Variants in ATL1 observed in about 807,000 individuals in gnomAD.
ATL1 encodes atlastin GTPase 1.
A neutral mutation model predicts 75.5 loss-of-function variants in ATL1; 31 were observed. The ratio of observed to expected loss-of-function variants is 0.41; its 90% confidence interval spans 0.31 to 0.55. The LOEUF is 0.55. Ranked by LOEUF, ATL1 falls within the 20% of genes least tolerant of loss-of-function variation. The pLI is 0.27. For missense variants in ATL1, 405 were observed against 662.6 expected (o/e 0.61, Z 4.27); for synonymous variants, 226 against 233.3 (o/e 0.97, Z 0.28).
In ATL1 at chr14:50,621,884, CA is replaced by C. The variant is rs2039470381; in HGVS notation, c.1035del (p.Lys345AsnfsTer13). On this transcript the variant is annotated frameshift_variant, in exon 10 of 14. Transcript: ENST00000358385. LOFTEE classifies it high-confidence loss of function. Reference sequence around the variant, plus strand: ...ATCAAGGTGAAGAATTACCACATCCCAAATCCATGTTACAGGTATTTATTAA... The same window carrying C: ...ATCAAGGTGAAGAATTACCACATCCCAATCCATGTTACAGGTATTTATTAA... ...IYQGEELPHP[K>X]SMLQATAEAN... is the part of the protein sequence containing the mutation. The C allele has an allele frequency of 6.3e-7, 1 of 1,599,634 alleles. No homozygotes were observed.
intron 6 of ATL1, among the ~76,000 whole-genome samples, chr14:50,599,251 C>T (rs2039249372): frequency 6.6e-6 from 1 of 152,072 alleles, no homozygotes; most frequent in Non-Finnish European, 1.5e-5. Context: ...AATCAGAAAA[C>T]AGGCAAAGAA....
chr14:50,560,077 T>C (rs1273795340), upstream of ATL1: 3 of 655,596 alleles, frequency 4.6e-6, no homozygotes, highest in Non-Finnish European at 8.1e-6. Flanking sequence ...GATGCTGAGC[T>C]TGGTTCATCT....
chr14:50,612,981 C>G (rs1048676661), intron 6 of ATL1, among the ~76,000 whole-genome samples: 15 of 152,136 alleles, frequency 9.9e-5, no homozygotes, highest in Non-Finnish European at 2.1e-4. Context: ...TAGCTCCATT[C>G]AGGCAGTTTG....
At chr14:50,560,581 C>T in intron 1 of ATL1, 1 of 487,184 alleles carries the variant, frequency 2.1e-6, no homozygotes, top group South Asian at 2.1e-5. Flanking sequence ...AGCATTTGGA[C>T]AGCACCCACC....
At chr14:50,631,001 G>C in intron 13 of ATL1, 1 of 453,764 alleles carries the variant, frequency 2.2e-6, no homozygotes, top group South Asian at 1.6e-5. Flanking sequence ...GCTCACGCCT[G>C]TAATCCCAGC....
chr14:50,568,984 A>G (rs538093483), intron 1 of ATL1, among the ~76,000 whole-genome samples: 1 of 152,196 alleles, frequency 6.6e-6, no homozygotes, highest in African/African-American at 2.4e-5. Flanking sequence ...CACCCCTTTC[A>G]GTTATTGGTA....
chr14:50,559,604 C>T (rs1231838213), upstream of ATL1: 1 of 152,116 alleles, frequency 6.6e-6, no homozygotes, highest in Non-Finnish European at 1.5e-5. Context: ...AGTTACAGAT[C>T]GTAATGAATC....
chr14:50,599,249 A>G (rs1231060236), intron 6 of ATL1, among the ~76,000 whole-genome samples: 1 of 152,238 alleles, frequency 6.6e-6, no homozygotes, highest in African/African-American at 2.4e-5. Context: ...CCAATCAGAA[A>G]ACAGGCAAAG....
Position 50,627,203 on chromosome 14 carries a change from T to A in ATL1, c.1120-828T>A, listed in dbSNP as rs2039529781. Among the ~76,000 whole-genome samples, 5 of 152,240 alleles carry A rather than the reference T, an allele frequency of 3.3e-5. No individual in the cohort carries two copies. In the South Asian group the frequency reaches 8.3e-4, roughly 25 times the overall value. On this transcript the variant is annotated intron_variant, in intron 11 of 13. Transcript: ENST00000358385. Reference sequence around the variant, plus strand: ...GAGCCTCCACCAGCAAAAAGATTGATGTGCTGAAGGCTCAGATGATCCTTA... The same window carrying A: ...GAGCCTCCACCAGCAAAAAGATTGAAGTGCTGAAGGCTCAGATGATCCTTA...
intron 13 of ATL1, among the ~76,000 whole-genome samples, chr14:50,631,501 T>C (rs1393468147): frequency 4.6e-5 from 7 of 152,176 alleles, no homozygotes; most frequent in Admixed American, 4.6e-4. Context: ...GATGAAATCT[T>C]AGACACTAGC....
intron 1 of ATL1, chr14:50,572,063 A>G (rs1288761261): frequency 3.7e-6 from 2 of 542,666 alleles, no homozygotes; most frequent in Non-Finnish European, 7.1e-6. Flanking sequence ...TTCCTTGGAC[A>G]TGTCTGCCAC....
At chr14:50,603,089 T>C (rs766442200) in intron 6 of ATL1, among the ~76,000 whole-genome samples, 2 of 152,150 alleles carry the variant, frequency 1.3e-5, no homozygotes, top group Admixed American at 6.5e-5. Context: ...TAGATTAAGG[T>C]TGGCCTGTAA....
chr14:50,613,230 C>T, intron 6 of ATL1, 29 bp from the exon 7 acceptor site: 3 of 1,547,302 alleles, frequency 1.9e-6, no homozygotes, highest in Non-Finnish European at 2.7e-6. Flanking sequence ...TTAAAGTCCT[C>T]ATATCAATCC....
At chr14:50,625,779 G>A (rs888739908) in intron 11 of ATL1, among the ~76,000 whole-genome samples, 3 of 152,030 alleles carry the variant, frequency 2.0e-5, no homozygotes, top group South Asian at 2.1e-4. Flanking sequence ...GCGCAGAGGC[G>A]GGCACCTGTA....
chr14:50,620,114 T>C lies in ATL1; in HGVS notation c.863-485T>C, dbSNP rs150939775. Among the ~76,000 whole-genome samples, 1,431 of 152,152 alleles carry C rather than the reference T, an allele frequency of 9.4e-3. 6 individuals carry two copies. Among genetic ancestry groups the C allele is most frequent in the Middle Eastern group, 0.02 (6 of 294 alleles). ...CTCTACTAAAAATACAAAAATTAGCTGGGCATAGTGGTGTGTGCCTGTAGT... is the reference window on the plus strand; with the variant it reads ...CTCTACTAAAAATACAAAAATTAGCCGGGCATAGTGGTGTGTGCCTGTAGT... On this transcript the variant is annotated intron_variant, in intron 8 of 13. Coordinates refer to ENST00000358385, the MANE Select transcript of ATL1 (RefSeq NM_015915.5).
intron 1 of ATL1, among the ~76,000 whole-genome samples, chr14:50,539,222 G>T (rs765887474): frequency 6.6e-6 from 1 of 152,198 alleles, no homozygotes; most frequent in Non-Finnish European, 1.5e-5. Context: ...CAAACTATCA[G>T]CAGTGACATG....
chr14:50,616,453 CGGTTATTT>C (rs1198240362), intron 8 of ATL1, among the ~76,000 whole-genome samples: 2 of 143,038 alleles, frequency 1.4e-5, no homozygotes, highest in Non-Finnish European at 1.5e-5. Context: ...CCACCATGCC[CGGTTATTT>C]ATTTATTTAT....
chr14:50,581,578 A>G (rs1281812301), intron 1 of ATL1, among the ~76,000 whole-genome samples: 1 of 152,122 alleles, frequency 6.6e-6, no homozygotes, highest in Non-Finnish European at 1.5e-5. Context: ...TCTTTATTCC[A>G]TAGGTTATTT....
rs2934684 is a variant in ATL1 at position 50,591,516 on chromosome 14, G to A, written c.418-19G>A. On this transcript the variant is annotated intron_variant, in intron 3 of 13. Transcript: ENST00000358385. The stretch of plus-strand genomic sequence containing the variant: ...AGATGTTCTATAAAATATCAATAAT[G>A]TACTCTTCTTGCCTGTAGGTTGCAG... 6 of 1,533,868 alleles carry A rather than the reference G, an allele frequency of 3.9e-6. No homozygotes were observed. Among genetic ancestry groups the A allele is most frequent in the Non-Finnish European group, 5.4e-6 (6 of 1,107,332 alleles).
Sources: allele counts gnomAD v4.1 joint callset (sites outside exome capture counted in the v4.1 genomes callset), GRCh38; gene constraint gnomAD v4.1.1; transcripts MANE v1.5; gene names NCBI Gene and HGNC (gene_info 2026-07-23, HGNC 2026-07-21).